The following AWAT1 variants were observed in gnomAD, a reference collection of about 807,000 sequenced individuals.
The protein encoded by AWAT1 is diacyl-glycerol acyltransferase 2.
A neutral mutation model predicts 21.6 loss-of-function variants in AWAT1; 26 were observed. That is an observed-to-expected ratio of 1.20 (90% confidence interval 0.88 to 1.67). The LOEUF is 1.67. Ranked by LOEUF, AWAT1 falls within the 40% of genes most tolerant of loss-of-function variation. The probability of loss-of-function intolerance (pLI) is 0.00; values close to 1 mark genes in which losing one functional copy is unlikely to be tolerated. For synonymous variants in AWAT1, 102 were observed against 99.3 expected (o/e 1.03, Z -0.16); for missense variants, 264 against 249.4 (o/e 1.06, Z -0.39).
chrX:70,235,667 T>C (rs1320211978), intron 1 of AWAT1, 49 bp from the exon 2 acceptor site: 1 of 979,808 alleles, frequency 1.0e-6, no homozygotes, highest in Admixed American at 2.2e-5. Context: ...CTGGGCATGG[T>C]CAAGTTCTGC....
intron 5 of AWAT1, among the ~76,000 whole-genome samples, chrX:70,238,769 G>T (rs2085526060): frequency 8.9e-6 from 1 of 112,402 alleles, no homozygotes; most frequent in Admixed American, 9.4e-5. Flanking sequence ...TCTGGGACAG[G>T]TTCCTTAACC....
At position 70,240,442 on chromosome X, in the gene AWAT1, C is replaced by A; in HGVS notation, c.*152C>A. On this transcript the variant is annotated 3_prime_UTR_variant, in exon 7 of 7. Coordinates refer to ENST00000374521, the MANE Select transcript of AWAT1 (RefSeq NM_001013579.3). ...CTTCTTTGCCTTCTTGCCACAGGGT[C>A]CTTACAGGAATTCTTTCTGAAGAGC... The A allele has an allele frequency of 3.4e-6, 2 of 594,987 alleles. No homozygotes were observed. The highest frequency in any genetic ancestry group is 5.2e-6 in the Non-Finnish European group (2 of 388,280). The allele number at this position is 594,987 out of a possible 1,213,427, so 49.0% of individuals were successfully genotyped here. A position where few individuals can be genotyped will look rare whatever the true frequency, so the allele number is the denominator to read the frequency against.
At chrX:70,239,541 G>C (rs189729145) in intron 5 of AWAT1, among the ~76,000 whole-genome samples, 194 bp from the exon 6 acceptor site, 1 of 111,786 alleles carries the variant, frequency 8.9e-6, no homozygotes, top group Non-Finnish European at 1.9e-5. Flanking sequence ...CCCAGAGAGA[G>C]CAATCTCACT....
rs2085533422 is a variant in AWAT1 at position 70,240,358 on chromosome X, C to A, written c.*68C>A. The A allele has an allele frequency of 2.3e-5, 25 of 1,093,452 alleles. No individual in the cohort carries two copies. The highest frequency in any genetic ancestry group is 3.0e-5 in the Non-Finnish European group (24 of 804,208). The allele number at this position is 1,093,452 out of a possible 1,213,427, so 90.1% of individuals were successfully genotyped here. On this transcript the variant is annotated 3_prime_UTR_variant, in exon 7 of 7. Transcript: ENST00000374521. ...GAAGAAGAGACTCATCTGCCACTAA[C>A]CAAAGACAGGCAGGAGATGAGGGAG...
chrX:70,237,254 T>C lies in AWAT1; in HGVS notation c.460+6T>C, dbSNP rs1159460259. 1.7e-6 allele frequency: 2 copies of C among 1,192,980 alleles called. No homozygotes were observed. The highest frequency in any genetic ancestry group is 3.5e-5 in the African/African-American group (2 of 56,419). On this transcript the variant is annotated splice_donor_region_variant and intron_variant, in intron 4 of 6. Transcript: ENST00000374521. The stretch of plus-strand genomic sequence containing the variant: ...GGAGTACCTCATGGCCAAAGGTGCT[T>C]CTGACCATACTTACTGGAGCTTCTG...
At chrX:70,236,006 A>G in intron 2 of AWAT1, 63 bp from the exon 3 acceptor site, 1 of 1,022,943 alleles carries the variant, frequency 9.8e-7, no homozygotes, top group Non-Finnish European at 1.4e-6. Context: ...GGAATCCCTG[A>G]GTCCGTGGAA....
Position 70,240,274 on chromosome X carries a change from A to G in AWAT1, c.971A>G (p.Lys324Arg), listed in dbSNP as rs1310298130. Residue 324 changes from lysine to arginine, a missense_variant, in exon 7 of 7, where the codon AAG (lysine) becomes AGG (arginine). By Grantham distance (26) the Lys-to-Arg change is conservative (BLOSUM62 2). Coordinates refer to ENST00000374521, the MANE Select transcript of AWAT1 (RefSeq NM_001013579.3). ...CACTATGGCTGCTCAGAGACCCAAA[A>G]GCTGTTTTTCCTGTGAATGAAGGTA... ...KTHYGCSETQ[K>R]LFFL The G allele has an allele frequency of 8.3e-7, 1 of 1,211,021 alleles. No homozygotes were observed. The highest frequency in any genetic ancestry group is 1.7e-5 in the African/African-American group (1 of 57,776).
Position 70,239,934 on chromosome X carries a change from G to C in AWAT1, c.832G>C (p.Val278Leu). 1.7e-6 allele frequency: 2 copies of C among 1,206,714 alleles called. No homozygotes were observed. Among genetic ancestry groups the C allele is most frequent in the Non-Finnish European group, 2.2e-6 (2 of 891,978 alleles). ...ATACTCCAGGCCTATTGTCACTGTG[G>C]GTGAGTGCCACTCTCAGCCCCAGTG... ...LPYSRPIVTV[V>L]GEPLPLPQIE... Residue 278 changes from valine to leucine, a missense_variant and splice_region_variant, in exon 6 of 7, where the codon GTT becomes CTT. Val to Leu is a conservative substitution (Grantham distance 32). Coordinates refer to ENST00000374521, the MANE Select transcript of AWAT1 (RefSeq NM_001013579.3).
At position 70,238,305 on chromosome X, in the gene AWAT1, C is replaced by T; in HGVS notation, c.554C>T (p.Ala185Val). The change falls in exon 5 of 7, where the codon GCC becomes GTC. Residue 185 changes from alanine to valine, a missense_variant. By Grantham distance (64) the Ala-to-Val change is moderately conservative. Coordinates refer to ENST00000374521, the MANE Select transcript of AWAT1 (RefSeq NM_001013579.3). Reference protein sequence around the residue: ...VGIVVGGVGEALQSVPNTTTL... With the variant: ...VGIVVGGVGEVLQSVPNTTTL... ...ATTGTAGTGGGAGGTGTGGGTGAGG[C>T]CCTGCAAAGTGTGCCCAACACCACC... The T allele has an allele frequency of 8.3e-7, 1 of 1,210,619 alleles. No individual in the cohort carries two copies. The highest frequency in any genetic ancestry group is 1.1e-6 in the Non-Finnish European group (1 of 894,638).
intron 1 of AWAT1, 88 bp from the exon 2 acceptor site, chrX:70,235,628 T>G (rs2085510887): frequency 1.5e-6 from 1 of 648,391 alleles, no homozygotes; most frequent in Non-Finnish European, 2.6e-6. Flanking sequence ...GACCAGAGGC[T>G]TAGGTAATGT....
intron 3 of AWAT1, 61 bp from the exon 4 acceptor site, chrX:70,236,983 C>G (rs1000328209): frequency 1.2e-5 from 12 of 1,035,527 alleles, no homozygotes; most frequent in Non-Finnish European, 1.5e-5. Flanking sequence ...AGTATCACCA[C>G]CCTTGTTTCT....
At position 70,237,196 on chromosome X, in the gene AWAT1, G is replaced by A. The variant is rs146485454; in HGVS notation, c.408G>A (p.Thr136=). 28,829 of 1,206,508 alleles carry A rather than the reference G, an allele frequency of 0.024. 293 individuals carry two copies. The highest frequency in any genetic ancestry group is 0.034 in the South Asian group (1,927 of 55,953). Residue 136 remains threonine (T), a synonymous_variant, in exon 4 of 7, where the codon ACG becomes ACA. Coordinates refer to ENST00000374521, the MANE Select transcript of AWAT1 (RefSeq NM_001013579.3). ...TFPGITPHLA[T]LSWFFKIPFV... The stretch of plus-strand genomic sequence containing the variant: ...CAGGCATCACTCCTCACTTGGCCAC[G>A]CTGTCCTGGTTCTTCAAGATCCCCT...
chrX:70,238,339 C>A lies in AWAT1; in HGVS notation c.588C>A (p.Ile196=). 1 of 1,207,952 alleles carries A rather than the reference C, an allele frequency of 8.3e-7. No individual in the cohort carries two copies. Residue 196 remains isoleucine, a synonymous_variant, in exon 5 of 7, where the codon ATC becomes ATA. Transcript: ENST00000374521. ...GTGTGCCCAACACCACCACCCTCAT[C>A]CTCCAGAAGCGCAAGGGGTTCGTGC... is the stretch of plus-strand genomic sequence containing the variant. The part of the protein sequence containing the change: ...LQSVPNTTTL[I]LQKRKGFVRT...
Position 70,236,054 on chromosome X carries a change from C to A in AWAT1, c.185-15C>A, listed in dbSNP as rs768955308. 39 of 1,198,296 alleles carry A rather than the reference C, an allele frequency of 3.3e-5. No individual in the cohort carries two copies. The highest frequency in any genetic ancestry group is 2.3e-4 in the Middle Eastern group (1 of 4,345). Reference sequence around the variant, plus strand: ...CACACACTGACATCATCCCCTACTTCTTCTTTTGCCTCAGGTGGCAGGCGT... The same window carrying A: ...CACACACTGACATCATCCCCTACTTATTCTTTTGCCTCAGGTGGCAGGCGT... On this transcript the variant is annotated splice_polypyrimidine_tract_variant and intron_variant, in intron 2 of 6. Transcript: ENST00000374521.
chrX:70,240,201 G>A lies in AWAT1; in HGVS notation c.898G>A (p.Ala300Thr), dbSNP rs1215889090. The A allele has an allele frequency of 4.1e-6, 5 of 1,209,613 alleles. No homozygotes were observed. In the Admixed American group the frequency reaches 6.6e-5, roughly 16 times the overall value. ...CCAGGAGATGGTGGACAAATACCAT[G>A]CACTTTATATGGATGCTCTGCACAA... Reference protein sequence around the residue: ...PSQEMVDKYHALYMDALHKLF... With the variant: ...PSQEMVDKYHTLYMDALHKLF... Residue 300 changes from alanine to threonine, a missense_variant, in exon 7 of 7, where the codon GCA (alanine) becomes ACA (threonine). By Grantham distance (58) the Ala-to-Thr change is moderately conservative. Transcript: ENST00000374521.
chrX:70,236,108 G>A lies in AWAT1; in HGVS notation c.224G>A (p.Trp75Ter), dbSNP rs200739971. 11 of 1,210,847 alleles carry A rather than the reference G, an allele frequency of 9.1e-6. No homozygotes were observed. The highest frequency in any genetic ancestry group is 1.1e-5 in the Non-Finnish European group (10 of 894,662). ...GCCTGGGTAAGGAACTGGTGTGTCTGGACCCACATCAGGGACTATTTCCCC... is the reference window on the plus strand; with the variant it reads ...GCCTGGGTAAGGAACTGGTGTGTCTAGACCCACATCAGGGACTATTTCCCC... ...RSAWVRNWCV[W>*]THIRDYFPIT... Residue 75 changes from tryptophan to a stop codon, truncating the protein, a stop_gained, in exon 3 of 7, where the codon TGG becomes TAG. Transcript: ENST00000374521. LOFTEE classifies it high-confidence loss of function.
chrX:70,237,831 CAAAAAAAA>C (rs34212707), intron 4 of AWAT1, among the ~76,000 whole-genome samples: 1 of 19,376 alleles, frequency 5.2e-5, no homozygotes, highest in South Asian at 6.5e-3. Context: ...AACTCTGTCT[CAAAAAAAA>C]AAAAAAAAAA....
intron 5 of AWAT1, 70 bp downstream of exon 5, chrX:70,238,453 G>T: frequency 9.8e-7 from 1 of 1,015,235 alleles, no homozygotes; most frequent in East Asian, 3.5e-5. Flanking sequence ...GTGAGGCCAG[G>T]ATGAATCAGA....
At position 70,238,265 on chromosome X, in the gene AWAT1, G is replaced by A. The variant is rs1462861773; in HGVS notation, c.514G>A (p.Gly172Ser). 1 of 1,209,369 alleles carries A rather than the reference G, an allele frequency of 8.3e-7. No individual in the cohort carries two copies. The highest frequency in any genetic ancestry group is 1.1e-6 in the Non-Finnish European group (1 of 894,626). Residue 172 changes from glycine (G) to serine (S), a missense_variant, in exon 5 of 7, where the codon GGC becomes AGC. Gly to Ser is a moderately conservative substitution (Grantham distance 56). Transcript: ENST00000374521. ...AINYLLSHGT[G>S]NLVGIVVGGV... ...CAACTATCTGCTGAGCCATGGCACT[G>A]GCAACCTCGTGGGCATTGTAGTGGG...
Sources: allele counts gnomAD v4.1 joint callset (sites outside exome capture counted in the v4.1 genomes callset), GRCh38; gene constraint gnomAD v4.1.1; transcripts MANE v1.5; gene names NCBI Gene and HGNC (gene_info 2026-07-23, HGNC 2026-07-21).